Variants in PIEZO1 observed in about 807,000 individuals in gnomAD.
The protein encoded by PIEZO1 is piezo-type mechanosensitive ion channel component 1.
PIEZO1 carries 296 observed loss-of-function variants against 297.2 expected under a neutral mutation model. The ratio of observed to expected loss-of-function variants is 1.00; its 90% confidence interval spans 0.91 to 1.10. The LOEUF (loss-of-function observed/expected upper bound fraction) is 1.10, where lower values mean the gene tolerates loss of function less well. Among genes scored for constraint, PIEZO1 ranks in the 50% least tolerant of loss-of-function variants. The probability of loss-of-function intolerance (pLI) is 0.00; values close to 1 mark genes in which losing one functional copy is unlikely to be tolerated. For missense variants in PIEZO1, 5,018 were observed against 3,455.5 expected (o/e 1.45, Z -11.34); for synonymous variants, 2,427 against 1,507.5 (o/e 1.61, Z -14.13).
chr16:88,759,477 T>G (rs1906826092), intron 1 of PIEZO1, among the ~76,000 whole-genome samples: 2 of 152,124 alleles, frequency 1.3e-5, no homozygotes, highest in South Asian at 2.1e-4. Context: ...TCTGCCTTAT[T>G]TGGCTTGGAA....
At chr16:88,763,218 T>C (rs181775432) in intron 1 of PIEZO1, among the ~76,000 whole-genome samples, 1 of 152,264 alleles carries the variant, frequency 6.6e-6, no homozygotes, top group Admixed American at 6.5e-5. Context: ...CTCAGGGCAC[T>C]TACGGGGGCC....
rs138735419 is a variant in PIEZO1, at chr16:88,720,481, G to A, written c.5853C>T (p.His1951=). The A allele has an allele frequency of 1.4e-3, 2,244 of 1,550,438 alleles. 29 individuals carry two copies. The African/African-American group carries it at 0.027, about 19-fold the overall frequency. Residue 1951 remains histidine, a synonymous_variant, in exon 41 of 51, where the codon CAC becomes CAT. Transcript: ENST00000301015. ...PLRRFFHDIL[H]TKYRAATDVY... is the part of the protein sequence containing the mutation. ...CGTCGGTGGCTGCGCGGTACTTGGT[G>A]TGCAGGATGTCGTGGAAGAAGCGCC...
intron 1 of PIEZO1, 36 bp downstream of exon 1, chr16:88,784,865 C>A: frequency 7.2e-7 from 1 of 1,380,624 alleles, no homozygotes; most frequent in South Asian, 1.3e-5. Context: ...GACGCAGCCC[C>A]CTCCCGTCGC....
chr16:88,733,940 C>T lies in PIEZO1; in HGVS notation c.2295G>A (p.Val765=), dbSNP rs946482868. 1.2e-5 allele frequency: 19 copies of T among 1,540,584 alleles called. No homozygotes were observed. The highest frequency in any genetic ancestry group is 1.2e-4 in the Admixed American group (6 of 50,482). The stretch of plus-strand genomic sequence containing the variant: ...CCTGCGTGGCCTGGTGGGGAGTGGC[C>T]ACGCCCAGCCCCTCGTCCCTGGAGT... ...EEDSRDEGLG[V]ATPHQATQVP... Residue 765 remains valine (V), a synonymous_variant, in exon 17 of 51, where the codon GTG becomes GTA. Transcript: ENST00000301015.
intron 10 of PIEZO1, chr16:88,737,340 C>G: frequency 1.9e-6 from 1 of 530,720 alleles, no homozygotes; most frequent in South Asian, 2.2e-5. Context: ...CTCAGCTGCC[C>G]TGGGGGTCTT....
At chr16:88,724,567 G>A (rs931393218) in intron 30 of PIEZO1, among the ~76,000 whole-genome samples, 20 of 151,194 alleles carry the variant, frequency 1.3e-4, no homozygotes, top group African/African-American at 3.9e-4. Context: ...TGGGGCACAT[G>A]CTTGTAGTCT....
In PIEZO1 at chr16:88,715,783, G is replaced by A. The variant is rs184706181; in HGVS notation, c.7388C>T (p.Ser2463Leu). Residue 2463 changes from serine (S) to leucine (L), a missense_variant, in exon 51 of 51, where the codon TCG (serine) becomes TTG (leucine). Ser to Leu is a moderately radical substitution (Grantham distance 145). Transcript: ENST00000301015. ...KFVRGFFSEISHSIMFEELPC... is the reference protein window; with the variant it reads ...KFVRGFFSEILHSIMFEELPC... ...CAGCTCCTCGAACATAATGGAGTGC[G>A]AGATCTCGCTGAAGAATCCGCGCAC... 16 of 1,550,196 alleles carry A rather than the reference G, an allele frequency of 1.0e-5. No homozygotes were observed. Among genetic ancestry groups the A allele is most frequent in the East Asian group, 4.9e-5 (2 of 40,922 alleles).
intron 1 of PIEZO1, among the ~76,000 whole-genome samples, chr16:88,780,348 C>A (rs1348606137): frequency 6.6e-6 from 1 of 151,878 alleles, no homozygotes; most frequent in African/African-American, 2.4e-5. Flanking sequence ...GCTCAAAGGT[C>A]AAGAGCAGGA....
At position 88,733,495 on chromosome 16, in the gene PIEZO1, A is replaced by G. The variant is rs1015080675; in HGVS notation, c.2488-41T>C. 7 of 1,533,980 alleles carry G rather than the reference A, an allele frequency of 4.6e-6. No homozygotes were observed. The Admixed American group carries it at 1.2e-4, about 26-fold the overall frequency. ...ACGTGGGGCTGGGCTTGGGGAGGGC[A>G]GTGGGCACGTGGGGCTGGGCTTGGG... On this transcript the variant is annotated intron_variant, in intron 18 of 50. Coordinates refer to ENST00000301015, the MANE Select transcript of PIEZO1 (RefSeq NM_001142864.4).
intron 2 of PIEZO1, among the ~76,000 whole-genome samples, chr16:88,749,051 C>G (rs1007118521): frequency 2.7e-5 from 4 of 150,054 alleles, no homozygotes; most frequent in Non-Finnish European, 5.9e-5. Context: ...TCCTGGCTAT[C>G]ACGGTGAAAC....
chr16:88,779,828 G>A (rs963108836), intron 1 of PIEZO1, among the ~76,000 whole-genome samples: 4 of 152,196 alleles, frequency 2.6e-5, no homozygotes, highest in Non-Finnish European at 4.4e-5. Flanking sequence ...GGCCACCGCG[G>A]CACTCAGCGC....
Position 88,738,255 on chromosome 16 carries a change from G to A in PIEZO1, c.820C>T (p.Leu274=). The change falls in exon 7 of 51, where the codon CTG becomes TTG. Residue 274 remains leucine, a synonymous_variant. Coordinates refer to ENST00000301015, the MANE Select transcript of PIEZO1 (RefSeq NM_001142864.4). Reference sequence around the variant, plus strand: ...GCCCAGATGCCGGCAGGCGGGAGCAGAGCCTGTGCCAAGGGCATCTGGTAG... The same window carrying A: ...GCCCAGATGCCGGCAGGCGGGAGCAAAGCCTGTGCCAAGGGCATCTGGTAG... ...YCYQMPLAQA[L]LPPAGIWARV... The A allele has an allele frequency of 1.3e-6, 2 of 1,535,866 alleles. No individual in the cohort carries two copies. Among genetic ancestry groups the A allele is most frequent in the Non-Finnish European group, 1.7e-6 (2 of 1,146,844 alleles).
Position 88,720,095 on chromosome 16 carries a change from G to A in PIEZO1, c.6138C>T (p.Phe2046=), listed in dbSNP as rs770352556. 16 of 1,550,268 alleles carry A rather than the reference G, an allele frequency of 1.0e-5. No individual in the cohort carries two copies. Among genetic ancestry groups the A allele is most frequent in the East Asian group, 2.4e-5 (1 of 40,934 alleles). Residue 2046 remains phenylalanine (F), a synonymous_variant, in exon 42 of 51, where the codon TTC becomes TTT. Coordinates refer to ENST00000301015, the MANE Select transcript of PIEZO1 (RefSeq NM_001142864.4). ...ALVLAIHLWM[F]FILPAVTERM... is the part of the protein sequence containing the mutation. ...TCTCAGTGACGGCGGGCAGGATGAAGAACATCCATAGGTGGATGGCCAGCA... is the reference window on the plus strand; with the variant it reads ...TCTCAGTGACGGCGGGCAGGATGAAAAACATCCATAGGTGGATGGCCAGCA...
At position 88,749,393 on chromosome 16, in the gene PIEZO1, C is replaced by T. The variant is rs866172473; in HGVS notation, c.151G>A (p.Gly51Ser). Residue 51 changes from glycine to serine, a missense_variant, in exon 2 of 51, where the codon GGC becomes AGC. Gly to Ser is a moderately conservative substitution (Grantham distance 56). Coordinates refer to ENST00000301015, the MANE Select transcript of PIEZO1 (RefSeq NM_001142864.4). ...GGTCCCCTGGCCTTACCTTGGAGGCCGCATCGGGTGGGGCCGGGGAACCAG... is the reference window on the plus strand; with the variant it reads ...GGTCCCCTGGCCTTACCTTGGAGGCTGCATCGGGTGGGGCCGGGGAACCAG... ...LPWFPGPTRCGLQGHTGRLLR... is the reference protein window; with the variant it reads ...LPWFPGPTRCSLQGHTGRLLR... The T allele has an allele frequency of 1.7e-5, 25 of 1,507,300 alleles. No homozygotes were observed. The African/African-American group carries it at 2.4e-4, about 14-fold the overall frequency. 93.4% of individuals were successfully genotyped at this position (1,507,300 alleles called of 1,614,324 possible).
chr16:88,716,888 G>A lies in PIEZO1; in HGVS notation c.6671C>T (p.Thr2224Ile). ...LKLGGYEPLF[T>I]MSAQQPSIIP... ...GATGGACGGCTGCTGGGCGCTCATG[G>A]TGAACAGCGGCTGGGGCAGGCACGG... Residue 2224 changes from threonine (T) to isoleucine (I), a missense_variant, in exon 46 of 51, where the codon ACC (threonine) becomes ATC (isoleucine). Thr to Ile is a moderately conservative substitution (Grantham distance 89). Transcript: ENST00000301015. 6.5e-7 allele frequency: 1 copy of A among 1,549,906 alleles called. No homozygotes were observed. Among genetic ancestry groups the A allele is most frequent in the South Asian group, 1.2e-5 (1 of 84,062 alleles).
At chr16:88,777,961 G>C (rs1381937990) in intron 1 of PIEZO1, among the ~76,000 whole-genome samples, 1 of 152,280 alleles carries the variant, frequency 6.6e-6, no homozygotes, top group Non-Finnish European at 1.5e-5. Flanking sequence ...ACCTGCGTCT[G>C]TCCCTCCCGC....
In PIEZO1 at chr16:88,733,749, T is replaced by C; in HGVS notation, c.2330-4A>G. 1 of 1,540,918 alleles carries C rather than the reference T, an allele frequency of 6.5e-7. No individual in the cohort carries two copies. Among genetic ancestry groups the C allele is most frequent in the Non-Finnish European group, 8.8e-7 (1 of 1,141,922 alleles). ...ACCAGGCCCCACTTGGCTGCCCCTG[T>C]GATGGTGTGAGGGTCAGTGCGGGGC... is the stretch of plus-strand genomic sequence containing the variant. On this transcript the variant is annotated splice_polypyrimidine_tract_variant and splice_region_variant and intron_variant, in intron 17 of 50. Coordinates refer to ENST00000301015, the MANE Select transcript of PIEZO1 (RefSeq NM_001142864.4).
rs564476931 is a variant in PIEZO1 at position 88,734,564 on chromosome 16, G to A, written c.1998-26C>T. On this transcript the variant is annotated intron_variant, in intron 15 of 50. Coordinates refer to ENST00000301015, the MANE Select transcript of PIEZO1 (RefSeq NM_001142864.4). The stretch of plus-strand genomic sequence containing the variant: ...CTGTGGAGGGGCAGCATCAGCACCG[G>A]CCCGGCCCCCGGCAGAGCCGCTGCA... 35 of 1,544,152 alleles carry A rather than the reference G, an allele frequency of 2.3e-5. No homozygotes were observed. In the Middle Eastern group the frequency reaches 1.8e-3, roughly 79 times the overall value.
rs766289450 is a variant in PIEZO1, at chr16:88,721,660, G to A, written c.5281C>T (p.Arg1761Trp). The A allele has an allele frequency of 3.9e-5, 61 of 1,549,854 alleles. No individual in the cohort carries two copies. Among genetic ancestry groups the A allele is most frequent in the Non-Finnish European group, 5.1e-5 (58 of 1,146,802 alleles). The part of the protein sequence containing the change: ...FFPWNSHVVL[R>W]RYENKPYFPP... ...AAGTAGGGCTTGTTCTCGTAGCGCCGCAGCACCACGTGGCTGTTCCAGGGG... is the reference window on the plus strand; with the variant it reads ...AAGTAGGGCTTGTTCTCGTAGCGCCACAGCACCACGTGGCTGTTCCAGGGG... The change falls in exon 38 of 51, where the codon CGG (arginine) becomes TGG (tryptophan). Residue 1761 changes from arginine (R) to tryptophan (W), a missense_variant. Coordinates refer to ENST00000301015, the MANE Select transcript of PIEZO1 (RefSeq NM_001142864.4).
Sources: allele counts gnomAD v4.1 joint callset (sites outside exome capture counted in the v4.1 genomes callset), GRCh38; gene constraint gnomAD v4.1.1; transcripts MANE v1.5; gene names NCBI Gene and HGNC (gene_info 2026-07-23, HGNC 2026-07-21).